The following DMD variants were observed in gnomAD, a reference collection of about 807,000 sequenced individuals.
DMD encodes mutant dystrophin.
A neutral mutation model predicts 330.1 loss-of-function variants in DMD; 63 were observed. The observed-to-expected ratio is 0.19, with a 90% confidence interval of 0.16 to 0.24. The LOEUF (loss-of-function observed/expected upper bound fraction) is 0.24. Ranked by LOEUF, DMD falls within the 10% of genes least tolerant of loss-of-function variation. The pLI is 1.00. For missense variants in DMD, 3,344 were observed against 2,684.1 expected (o/e 1.25, Z -5.43); for synonymous variants, 1,223 against 959.8 (o/e 1.27, Z -5.07).
intron 2 of DMD, among the ~76,000 whole-genome samples, chrX:32,873,693 C>G (rs192164952): frequency 1.1e-3 from 119 of 112,144 alleles, no homozygotes; most frequent in Non-Finnish European, 8.3e-4. Context: ...AAAATGATAA[C>G]ATTGTAAAAG....
intron 2 of DMD, among the ~76,000 whole-genome samples, chrX:32,907,632 C>T (rs1184463801): frequency 9.0e-6 from 1 of 111,706 alleles, no homozygotes; most frequent in Non-Finnish European, 1.9e-5. Flanking sequence ...AATTCAGACA[C>T]TGAGAGTGGA....
intron 63 of DMD, among the ~76,000 whole-genome samples, chrX:31,255,315 C>T (rs2049824185): frequency 9.0e-6 from 1 of 111,310 alleles, no homozygotes; most frequent in African/African-American, 3.3e-5. Context: ...CCTTGAAGAG[C>T]TCAGAGTTTT....
chrX:33,329,186 A>C (rs1358264097), intron 1 of DMD, among the ~76,000 whole-genome samples: 3 of 111,895 alleles, frequency 2.7e-5, no homozygotes, highest in African/African-American at 9.7e-5. Flanking sequence ...ATGGTTCTCA[A>C]ATTAATTAGT....
intron 43 of DMD, among the ~76,000 whole-genome samples, chrX:32,266,331 G>A (rs1279147900): frequency 1.8e-5 from 2 of 111,787 alleles, no homozygotes; most frequent in South Asian, 3.7e-4. Context: ...GGAACTGTGA[G>A]TCAATTAAAC....
In DMD at chrX:32,988,684, A is replaced by G. The variant is rs989222190; in HGVS notation, c.93+31455T>C. ...ACTCAAGTTATACGGATATGTATGT[A>G]CTACACTAATTGTGTAGTGTGACTA... is the stretch of plus-strand genomic sequence containing the variant. On this transcript the variant is annotated intron_variant, in intron 2 of 78. Coordinates refer to ENST00000357033, the MANE Select transcript of DMD (RefSeq NM_004006.3). 5.3e-5 allele frequency among the ~76,000 whole-genome samples: 6 copies of G among 112,365 alleles called. No homozygotes were observed. The East Asian group carries it at 1.7e-3, about 32-fold the overall frequency.
intron 17 of DMD, among the ~76,000 whole-genome samples, chrX:32,520,983 C>A (rs1433486236): frequency 9.0e-6 from 1 of 110,579 alleles, no homozygotes. Flanking sequence ...GAAACAAGTG[C>A]AATTATCAGA....
intron 2 of DMD, among the ~76,000 whole-genome samples, chrX:32,876,038 T>C (rs1005047035): frequency 1.8e-5 from 2 of 111,761 alleles, no homozygotes; most frequent in African/African-American, 6.5e-5. Flanking sequence ...ACACACTGAT[T>C]TCCCTCCTCA....
At chrX:32,369,520 T>G (rs1243813088) in intron 34 of DMD, among the ~76,000 whole-genome samples, 2 of 111,709 alleles carry the variant, frequency 1.8e-5, no homozygotes, top group Non-Finnish European at 3.8e-5. Context: ...TTCATTATTT[T>G]TATTTAATGG....
intron 2 of DMD, among the ~76,000 whole-genome samples, chrX:32,879,043 A>C (rs867612992): frequency 9.2e-6 from 1 of 109,087 alleles, no homozygotes; most frequent in South Asian, 4.0e-4. Context: ...AAACAAAAAA[A>C]AAACAACTAA....
At chrX:31,686,710 G>A (rs1242134971) in intron 52 of DMD, among the ~76,000 whole-genome samples, 2 of 111,815 alleles carry the variant, frequency 1.8e-5, no homozygotes, top group East Asian at 5.6e-4. Flanking sequence ...AGAATCTGTT[G>A]GCATATCCTA....
intron 44 of DMD, among the ~76,000 whole-genome samples, chrX:32,026,401 T>C (rs1313651323): frequency 1.8e-5 from 2 of 112,141 alleles, no homozygotes; most frequent in Non-Finnish European, 3.8e-5. Context: ...TCCAATCTCA[T>C]TCCACAATGG....
intron 1 of DMD, among the ~76,000 whole-genome samples, chrX:33,059,411 A>C (rs926461280): frequency 9.5e-6 from 1 of 105,023 alleles, no homozygotes; most frequent in Non-Finnish European, 2.0e-5. Context: ...TCTCTCTCCA[A>C]CTCCCAAAGA....
chrX:32,856,887 A>T (rs1047297438), intron 2 of DMD, among the ~76,000 whole-genome samples: 2 of 111,134 alleles, frequency 1.8e-5, no homozygotes, highest in African/African-American at 6.6e-5. Context: ...CATCCTGGCT[A>T]ACACAGTGAA....
chrX:31,551,181 GAAAA>G (rs10659535), intron 55 of DMD, among the ~76,000 whole-genome samples: 1 of 75,320 alleles, frequency 1.3e-5, no homozygotes, highest in Admixed American at 1.7e-4. Context: ...TCCATCTCGG[GAAAA>G]AAAAAAAAAA....
chrX:32,745,366 C>T (rs2069850441), intron 7 of DMD, among the ~76,000 whole-genome samples: 1 of 112,243 alleles, frequency 8.9e-6, no homozygotes, highest in African/African-American at 3.2e-5. Flanking sequence ...ACAGCACTCA[C>T]AGAACTCAGG....
chrX:31,478,924 C>T lies in DMD; in HGVS notation c.8668+59G>A. On this transcript the variant is annotated intron_variant, in intron 58 of 78. Transcript: ENST00000357033. ...GACCCTGGCAGCAAGAATGGATGGG[C>T]TGCTCCGTCACCACTGATCCTTCTA... is the stretch of plus-strand genomic sequence containing the variant. 6.0e-6 allele frequency: 7 copies of T among 1,173,234 alleles called. No homozygotes were observed. The South Asian group carries it at 1.3e-4, about 21-fold the overall frequency.
At chrX:32,787,201 ATC>A (rs201137872) in intron 7 of DMD, among the ~76,000 whole-genome samples, 1 of 98,501 alleles carries the variant, frequency 1.0e-5, no homozygotes, top group African/African-American at 3.9e-5. Context: ...CTGTGAATCA[ATC>A]TCTCTGTCAA....
intron 1 of DMD, among the ~76,000 whole-genome samples, chrX:33,135,339 T>C (rs1372103380): frequency 8.9e-6 from 1 of 112,074 alleles, no homozygotes; most frequent in Non-Finnish European, 1.9e-5. Context: ...CCCACTAACG[T>C]CCAACACGTG....
At chrX:32,689,858 A>T (rs929315869) in intron 9 of DMD, among the ~76,000 whole-genome samples, 4 of 110,592 alleles carry the variant, frequency 3.6e-5, no homozygotes, top group Non-Finnish European at 5.7e-5. Context: ...TTCACTATTT[A>T]AAAAAAACCA....
Sources: allele counts gnomAD v4.1 joint callset (sites outside exome capture counted in the v4.1 genomes callset), GRCh38; gene constraint gnomAD v4.1.1; transcripts MANE v1.5; gene names NCBI Gene and HGNC (gene_info 2026-07-23, HGNC 2026-07-21).